TMEM74: variants seen among roughly 807,000 people sequenced by gnomAD.
TMEM74 encodes the protein transmembrane protein 74.
In TMEM74, 13 loss-of-function variants were observed where a neutral mutation model predicts 18.1. The observed-to-expected ratio is 0.72, with a 90% CI of 0.47 to 1.14. The LOEUF (loss-of-function observed/expected upper bound fraction) is 1.14. Ranked by LOEUF, TMEM74 falls within the 50% of genes most tolerant of loss-of-function variation. The pLI is 0.00. For missense variants in TMEM74, 372 were observed against 375.9 expected (o/e 0.99, Z 0.09); for synonymous variants, 159 against 146.6 (o/e 1.08, Z -0.61).
chr8:108,752,300 G>C (rs990643373), intron 1 of TMEM74, among the ~76,000 whole-genome samples: 13 of 152,018 alleles, frequency 8.6e-5, no homozygotes, highest in African/African-American at 2.7e-4. Context: ...TTCTTTACAA[G>C]GGATGACAAC....
chr8:108,751,141 A>G (rs764850365), intron 1 of TMEM74, among the ~76,000 whole-genome samples: 1 of 152,116 alleles, frequency 6.6e-6, no homozygotes, highest in Non-Finnish European at 1.5e-5. Flanking sequence ...ACCTTACAAT[A>G]TTATTCCTTA....
At chr8:108,754,238 C>A (rs117615315) in intron 1 of TMEM74, among the ~76,000 whole-genome samples, 14 of 152,054 alleles carry the variant, frequency 9.2e-5, no homozygotes, top group African/African-American at 3.4e-4. Flanking sequence ...TTTATTTCAA[C>A]AAATGCTAAA....
chr8:108,647,949 C>T (rs1497623), intron 2 of TMEM74, among the ~76,000 whole-genome samples: 28,485 of 151,994 alleles, frequency 0.19, 2,727 homozygotes, highest in East Asian at 0.27. Context: ...AAGGGGTAAA[C>T]AATTTGGCCA....
intron 1 of TMEM74, among the ~76,000 whole-genome samples, chr8:108,743,382 T>C (rs1218002997): frequency 6.6e-6 from 1 of 152,142 alleles, no homozygotes; most frequent in African/African-American, 2.4e-5. Context: ...GCAAAACAAC[T>C]TTGTGAAATA....
exon 4 of TMEM74, chr8:108,607,438 C>T (rs2130529507): frequency 6.6e-6 from 1 of 152,314 alleles, no homozygotes; most frequent in East Asian, 1.9e-4. Flanking sequence ...AATAAACAAA[C>T]ATATAGACTA....
intron 1 of TMEM74, among the ~76,000 whole-genome samples, chr8:108,754,654 G>GCTA: frequency 7.4e-6 from 1 of 135,312 alleles, no homozygotes; most frequent in Admixed American, 7.3e-5. Flanking sequence ...TAGGTAGGTA[G>GCTA]GTAGGTAGCT....
intron 2 of TMEM74, among the ~76,000 whole-genome samples, chr8:108,611,630 GTGT>G (rs1812334945): frequency 6.6e-6 from 1 of 152,134 alleles, no homozygotes; most frequent in South Asian, 2.1e-4. Context: ...ACTTTTATAT[GTGT>G]TGTTGCCGAT....
At chr8:108,647,980 A>G (rs1812736985) in intron 2 of TMEM74, among the ~76,000 whole-genome samples, 2 of 152,290 alleles carry the variant, frequency 1.3e-5, no homozygotes, top group Non-Finnish European at 1.5e-5. Context: ...ATGCATTTTG[A>G]GCATTCTAGG....
At chr8:108,746,553 C>A (rs901164975) in intron 1 of TMEM74, among the ~76,000 whole-genome samples, 1 of 152,050 alleles carries the variant, frequency 6.6e-6, no homozygotes, top group African/African-American at 2.4e-5. Flanking sequence ...TATATTTGGT[C>A]TTCATCTAGT....
rs925468534 is a variant in TMEM74, at chr8:108,662,332, G to A, written n.120-6895C>T. ...GAGAGAAAACAAACAGATAGGCAGT[G>A]AGGGAACAAACAGAGACAGAGATCG... is the stretch of plus-strand genomic sequence containing the variant. On this transcript the variant is annotated intron_variant and non_coding_transcript_variant, in intron 1 of 3. Coordinates refer to the TMEM74 transcript ENST00000518838. 2.6e-5 allele frequency among the ~76,000 whole-genome samples: 4 copies of A among 152,020 alleles called. No individual in the cohort carries two copies. In the East Asian group the frequency reaches 7.7e-4, roughly 29 times the overall value.
intron 1 of TMEM74, among the ~76,000 whole-genome samples, chr8:108,765,240 C>G (rs1298832172): frequency 1.3e-5 from 2 of 152,054 alleles, no homozygotes; most frequent in South Asian, 2.1e-4. Flanking sequence ...TCAGGTCTGA[C>G]AAACCTGCCT....
At chr8:108,732,946 A>T (rs778134556) in intron 1 of TMEM74, among the ~76,000 whole-genome samples, 2 of 152,132 alleles carry the variant, frequency 1.3e-5, no homozygotes, top group Non-Finnish European at 2.9e-5. Flanking sequence ...AGCACTCAAG[A>T]TCATCAATCC....
chr8:108,749,482 A>AT (rs1267539743), intron 1 of TMEM74, among the ~76,000 whole-genome samples: 1 of 152,116 alleles, frequency 6.6e-6, no homozygotes, highest in Non-Finnish European at 1.5e-5. Context: ...GATGCTAGCA[A>AT]TTTTTTCACA....
At chr8:108,709,133 T>C (rs995591524) in intron 1 of TMEM74, among the ~76,000 whole-genome samples, 5 of 152,096 alleles carry the variant, frequency 3.3e-5, no homozygotes, top group Non-Finnish European at 5.9e-5. Flanking sequence ...TCCACAAAAA[T>C]GTAAAAATGG....
intron 1 of TMEM74, among the ~76,000 whole-genome samples, chr8:108,768,606 C>T (rs774096638): frequency 3.3e-5 from 5 of 152,158 alleles, no homozygotes; most frequent in East Asian, 3.9e-4. Flanking sequence ...TTCACACCCG[C>T]GTTTCCCTCC....
intron 2 of TMEM74, among the ~76,000 whole-genome samples, chr8:108,609,638 A>T (rs932667309): frequency 2.0e-5 from 3 of 151,974 alleles, no homozygotes; most frequent in Non-Finnish European, 4.4e-5. Context: ...ACAGAGCAAG[A>T]AAAAAAAATT....
At chr8:108,677,927 T>C (rs1813070475) in intron 1 of TMEM74, among the ~76,000 whole-genome samples, 1 of 152,196 alleles carries the variant, frequency 6.6e-6, no homozygotes, top group African/African-American at 2.4e-5. Context: ...TGACAATTTA[T>C]TGTTATTTTT....
intron 1 of TMEM74, among the ~76,000 whole-genome samples, chr8:108,721,827 C>G (rs1398739144): frequency 2.0e-5 from 3 of 152,198 alleles, no homozygotes; most frequent in Non-Finnish European, 4.4e-5. Context: ...CCCTGATCCA[C>G]AAAGAACCAT....
chr8:108,634,179 G>T (rs1335564968), intron 2 of TMEM74, among the ~76,000 whole-genome samples: 2 of 151,828 alleles, frequency 1.3e-5, no homozygotes, highest in Middle Eastern at 3.2e-3. Context: ...TAACATTCTG[G>T]TGGGAGAATT....
Sources: gnomAD v4.1 joint callset for allele counts (sites outside exome capture counted in the v4.1 genomes callset) on GRCh38, gnomAD v4.1.1 for gene constraint, MANE v1.5 for transcripts, NCBI Gene and HGNC (gene_info 2026-07-23, HGNC 2026-07-21) for gene names.